The following CSMD1 variants were observed in gnomAD, a reference collection of about 807,000 sequenced individuals.
CSMD1 encodes the protein CUB and sushi domain-containing protein 1.
Under a neutral mutation model 417.5 loss-of-function variants are expected in CSMD1, and 213 were observed. The ratio of observed to expected loss-of-function variants is 0.51; its 90% confidence interval spans 0.46 to 0.57. The LOEUF is 0.57. Ranked by LOEUF, CSMD1 falls within the 20% of genes least tolerant of loss-of-function variation. The pLI, the probability that CSMD1 is intolerant of heterozygous loss-of-function variation, is 0.00. For missense variants in CSMD1, 6,923 were observed against 4,529.7 expected (o/e 1.53, Z -15.17); for synonymous variants, 2,862 against 1,736.8 (o/e 1.65, Z -16.11).
chr8:3,935,087 T>A (rs1180640605), intron 5 of CSMD1, among the ~76,000 whole-genome samples: 1 of 152,134 alleles, frequency 6.6e-6, no homozygotes, highest in Non-Finnish European at 1.5e-5. Context: ...TGCTTACATC[T>A]AATACTTAAA....
chr8:4,756,826 C>A (rs1673249), intron 1 of CSMD1, among the ~76,000 whole-genome samples: 117,859 of 151,792 alleles, frequency 0.78, 45,951 homozygotes, highest in African/African-American at 0.83. Context: ...AAGAGCTGGG[C>A]CCAGGTATAA....
At chr8:3,338,812 T>C (rs1420184476) in intron 23 of CSMD1, among the ~76,000 whole-genome samples, 1 of 82,784 alleles carries the variant, frequency 1.2e-5, no homozygotes, top group Non-Finnish European at 2.7e-5. Flanking sequence ...CCAGCCTTTC[T>C]TTTTTTTTTT....
chr8:3,488,149 C>G (rs1003390343), intron 11 of CSMD1, among the ~76,000 whole-genome samples: 5 of 151,744 alleles, frequency 3.3e-5, no homozygotes, highest in Non-Finnish European at 7.4e-5. Flanking sequence ...GTTGCTCAGG[C>G]TGGAGTGCAG....
rs1402579102 is a variant in CSMD1, at chr8:3,851,066, A to G, written c.819-97024T>C. 2.0e-5 allele frequency among the ~76,000 whole-genome samples: 3 copies of G among 152,350 alleles called. 1 individual carries two copies. Among genetic ancestry groups the G allele is most frequent in the South Asian group, 4.1e-4 (2 of 4,824 alleles). ...ATTTGTAGAAATGAATGTAGAAGGA[A>G]TATTTCAAATCTATTTAGGTATAAT... On this transcript the variant is annotated intron_variant, in intron 5 of 69. Coordinates refer to ENST00000635120, the MANE Select transcript of CSMD1 (RefSeq NM_033225.6).
Position 4,884,397 on chromosome 8 carries a change from T to C in CSMD1, c.85+109935A>G, listed in dbSNP as rs568932499. 3.9e-4 allele frequency among the ~76,000 whole-genome samples: 59 copies of C among 152,162 alleles called. 1 individual carries two copies. In the South Asian group the frequency reaches 0.01, roughly 26 times the overall value. Reference sequence around the variant, plus strand: ...GTTTTGATGAAGTCCAATATCTATATGTATTTTTTGTTGTTGTTGCTTGTG... The same window carrying C: ...GTTTTGATGAAGTCCAATATCTATACGTATTTTTTGTTGTTGTTGCTTGTG... On this transcript the variant is annotated intron_variant, in intron 1 of 69. Coordinates refer to ENST00000635120, the MANE Select transcript of CSMD1 (RefSeq NM_033225.6).
intron 3 of CSMD1, among the ~76,000 whole-genome samples, chr8:4,066,723 CGA>C (rs1799269392): frequency 6.6e-6 from 1 of 152,010 alleles, no homozygotes; most frequent in Non-Finnish European, 1.5e-5. Flanking sequence ...TTGTTTGGGA[CGA>C]GAGTGAAGAC....
rs145685619 is a variant in CSMD1, at chr8:4,557,299, A to T, written c.302+80043T>A. 1.2e-3 allele frequency among the ~76,000 whole-genome samples: 185 copies of T among 152,316 alleles called. 1 individual carries two copies. Among genetic ancestry groups the T allele is most frequent in the African/African-American group, 4.3e-3 (177 of 41,568 alleles). On this transcript the variant is annotated intron_variant, in intron 2 of 69. Transcript: ENST00000635120. ...ATCAAATTGGTCTATATTTCTATCA[A>T]AGAAAATCACTAGGTTCTAACTGAA...
chr8:3,144,802 G>C (rs1378386873), intron 40 of CSMD1, among the ~76,000 whole-genome samples: 1 of 137,890 alleles, frequency 7.3e-6, no homozygotes, highest in African/African-American at 2.7e-5. Context: ...CAAGGGGGGG[G>C]GGGAGGGAGG....
At chr8:4,872,831 A>G (rs1360534412) in intron 1 of CSMD1, among the ~76,000 whole-genome samples, 2 of 152,102 alleles carry the variant, frequency 1.3e-5, no homozygotes, top group Admixed American at 1.3e-4. Flanking sequence ...TTTATGAAAC[A>G]AGTTGAAATT....
intron 23 of CSMD1, among the ~76,000 whole-genome samples, chr8:3,311,033 A>ACGTCC (rs1227774500): frequency 6.6e-6 from 1 of 152,204 alleles, no homozygotes; most frequent in Non-Finnish European, 1.5e-5. Context: ...AAATGAGGTT[A>ACGTCC]CGTCCCAATA....
At chr8:3,286,214 T>C (rs1030393283) in intron 25 of CSMD1, among the ~76,000 whole-genome samples, 2 of 152,226 alleles carry the variant, frequency 1.3e-5, no homozygotes, top group African/African-American at 2.4e-5. Flanking sequence ...AATTTCTTAA[T>C]CCAGTCTATC....
chr8:4,784,891 C>T (rs75872706), intron 1 of CSMD1, among the ~76,000 whole-genome samples: 1,595 of 152,164 alleles, frequency 0.01, 14 homozygotes, highest in East Asian at 0.056. Context: ...AGCCCTTGAG[C>T]GAATCTCATA....
intron 8 of CSMD1, among the ~76,000 whole-genome samples, chr8:3,592,568 A>T (rs1192459156): frequency 6.6e-6 from 1 of 152,134 alleles, no homozygotes; most frequent in East Asian, 1.9e-4. Flanking sequence ...AAAGGTTTAG[A>T]AATGTTGCTT....
At chr8:3,526,314 T>C (rs2117482530) in intron 10 of CSMD1, among the ~76,000 whole-genome samples, 1 of 146,940 alleles carries the variant, frequency 6.8e-6, no homozygotes, top group Non-Finnish European at 1.5e-5. Flanking sequence ...ATGTTTAAAA[T>C]ATATTTTTTT....
intron 3 of CSMD1, among the ~76,000 whole-genome samples, chr8:4,070,063 G>C (rs535168885): frequency 6.6e-6 from 1 of 151,738 alleles, no homozygotes; most frequent in Non-Finnish European, 1.5e-5. Flanking sequence ...ACTTTTCGCA[G>C]TGTTTTAGTG....
intron 3 of CSMD1, among the ~76,000 whole-genome samples, chr8:4,333,821 C>G (rs1233610093): frequency 6.6e-6 from 1 of 152,122 alleles, no homozygotes; most frequent in Non-Finnish European, 1.5e-5. Flanking sequence ...CAAATATTCT[C>G]TATGCTTCTC....
At chr8:3,414,374 C>G (rs910563602) in intron 12 of CSMD1, among the ~76,000 whole-genome samples, 2 of 152,088 alleles carry the variant, frequency 1.3e-5, no homozygotes, top group African/African-American at 2.4e-5. Flanking sequence ...TCACACCTCC[C>G]TCTCTTCCCC....
At chr8:3,929,658 A>G (rs1035717846) in intron 5 of CSMD1, among the ~76,000 whole-genome samples, 1 of 132,164 alleles carries the variant, frequency 7.6e-6, no homozygotes, top group African/African-American at 3.2e-5. Flanking sequence ...TTGTATGAAT[A>G]AAAATACTAT....
intron 47 of CSMD1, among the ~76,000 whole-genome samples, chr8:3,096,462 C>T (rs900431878): frequency 6.6e-6 from 1 of 152,150 alleles, no homozygotes; most frequent in Admixed American, 6.5e-5. Flanking sequence ...CGTGCACCCA[C>T]TCTTTCTCTC....
Sources: gnomAD v4.1 joint callset for allele counts (sites outside exome capture counted in the v4.1 genomes callset) on GRCh38, gnomAD v4.1.1 for gene constraint, MANE v1.5 for transcripts, NCBI Gene and HGNC (gene_info 2026-07-23, HGNC 2026-07-21) for gene names.